Variants in INVS observed in about 807,000 individuals in gnomAD.
The protein encoded by INVS is inversin.
In INVS, 86 loss-of-function variants were observed where a neutral mutation model predicts 108.8. That is an observed-to-expected ratio of 0.79 (90% CI 0.66 to 0.95). The LOEUF is 0.95. Ranked by LOEUF, INVS falls within the 40% of genes least tolerant of loss-of-function variation. The pLI is 0.00. For synonymous variants in INVS, 455 were observed against 473.5 expected (o/e 0.96, Z 0.51); for missense variants, 1,169 against 1,297.4 (o/e 0.90, Z 1.52).
intron 12 of INVS, among the ~76,000 whole-genome samples, chr9:100,284,119 C>T (rs1833358987): frequency 1.3e-5 from 2 of 152,046 alleles, no homozygotes; most frequent in South Asian, 4.2e-4. Context: ...CTTTTCTGCT[C>T]CATCATCTTT....
chr9:100,217,754 G>A (rs1345950370), intron 3 of INVS, among the ~76,000 whole-genome samples: 1 of 152,162 alleles, frequency 6.6e-6, no homozygotes, highest in African/African-American at 2.4e-5. Flanking sequence ...CCAGTAAAGT[G>A]GAGTCAAGCT....
At chr9:100,291,676 T>C (rs1189774792) in intron 13 of INVS, among the ~76,000 whole-genome samples, 2 of 152,194 alleles carry the variant, frequency 1.3e-5, no homozygotes, top group Non-Finnish European at 1.5e-5. Flanking sequence ...ATATCTCCTA[T>C]GGATTGAGAA....
intron 15 of INVS, among the ~76,000 whole-genome samples, chr9:100,297,385 C>T (rs1039936961): frequency 1.1e-4 from 16 of 152,128 alleles, no homozygotes; most frequent in African/African-American, 3.6e-4. Context: ...TGTTTGGTTT[C>T]GTGAGGCATT....
At chr9:100,188,506 A>T (rs756319482) in intron 3 of INVS, among the ~76,000 whole-genome samples, 1 of 152,130 alleles carries the variant, frequency 6.6e-6, no homozygotes, top group Non-Finnish European at 1.5e-5. Context: ...ATGTTAAAGC[A>T]TCCCTGCAGC....
chr9:100,160,772 C>G lies in INVS; in HGVS notation c.273+34223C>G, dbSNP rs543168674. 7.2e-5 allele frequency among the ~76,000 whole-genome samples: 11 copies of G among 152,116 alleles called. No homozygotes were observed. The South Asian group carries it at 2.3e-3, about 32-fold the overall frequency. On this transcript the variant is annotated intron_variant, in intron 3 of 16. Transcript: ENST00000262457. ...CTAATCTTTGACTCCTTCTGTCTTC[C>G]TCAGTCCCAAGACACATCAAAGGCT...
chr9:100,260,655 CTAT>C (rs1420952864), intron 10 of INVS, among the ~76,000 whole-genome samples: 1 of 151,912 alleles, frequency 6.6e-6, no homozygotes, highest in Non-Finnish European at 1.5e-5. Context: ...AAAGTAGTTA[CTAT>C]TATTATTCTC....
At chr9:100,151,117 C>T (rs113051359) in intron 3 of INVS, among the ~76,000 whole-genome samples, 214 of 152,170 alleles carry the variant, frequency 1.4e-3, no homozygotes, top group Non-Finnish European at 2.3e-3. Context: ...AGCATTCATT[C>T]CAGGCAGAAG....
intron 10 of INVS, among the ~76,000 whole-genome samples, chr9:100,256,022 T>C (rs776996031): frequency 1.3e-5 from 2 of 152,188 alleles, no homozygotes; most frequent in African/African-American, 2.4e-5. Flanking sequence ...TGGGAGAATT[T>C]GGCTGTGAAT....
intron 2 of INVS, among the ~76,000 whole-genome samples, chr9:100,122,886 A>G (rs1341569185): frequency 6.6e-6 from 1 of 152,074 alleles, no homozygotes; most frequent in East Asian, 1.9e-4. Flanking sequence ...GCCCAGCCTA[A>G]TCAAGTCTTC....
At chr9:100,264,672 G>T in intron 10 of INVS, 150 bp from the exon 11 acceptor site, 1 of 632,148 alleles carries the variant, frequency 1.6e-6, no homozygotes, top group Non-Finnish European at 2.8e-6. Flanking sequence ...AATATCATTT[G>T]CTTTCTCCAC....
chr9:100,173,085 T>C (rs910193328), intron 3 of INVS, among the ~76,000 whole-genome samples: 8 of 152,234 alleles, frequency 5.3e-5, no homozygotes, highest in Non-Finnish European at 1.0e-4. Context: ...ATCATCAAGA[T>C]TGATACAGCA....
At chr9:100,241,912 T>C (rs2118502320) in intron 6 of INVS, among the ~76,000 whole-genome samples, 1 of 152,346 alleles carries the variant, frequency 6.6e-6, no homozygotes, top group Admixed American at 6.5e-5. Context: ...ACCAGGTTTA[T>C]TCATTTTTTA....
intron 10 of INVS, among the ~76,000 whole-genome samples, chr9:100,264,208 A>C (rs1832715530): frequency 6.6e-6 from 1 of 152,190 alleles, no homozygotes; most frequent in Non-Finnish European, 1.5e-5. Flanking sequence ...AATTTGTGTT[A>C]GTCTTATGTT....
chr9:100,295,685 T>C (rs1052049311), intron 14 of INVS, among the ~76,000 whole-genome samples: 1 of 152,104 alleles, frequency 6.6e-6, no homozygotes, highest in African/African-American at 2.4e-5. Flanking sequence ...GATCTTAAAA[T>C]TGTCAGTTTA....
intron 9 of INVS, 128 bp downstream of exon 9, chr9:100,252,566 A>G (rs1371547232): frequency 4.4e-6 from 4 of 909,596 alleles, no homozygotes; most frequent in East Asian, 5.3e-5. Context: ...TGATCACACA[A>G]CATGGCATGA....
intron 8 of INVS, among the ~76,000 whole-genome samples, chr9:100,248,707 T>C (rs187548268): frequency 2.0e-5 from 3 of 152,216 alleles, no homozygotes; most frequent in Admixed American, 1.3e-4. Flanking sequence ...CCTTTTGTCC[T>C]TTCTTTGCAA....
At chr9:100,222,935 G>A (rs1481320596) in intron 3 of INVS, among the ~76,000 whole-genome samples, 1 of 151,220 alleles carries the variant, frequency 6.6e-6, no homozygotes, top group Non-Finnish European at 1.5e-5. Context: ...GAAATGACAA[G>A]TCCAGATAAA....
intron 3 of INVS, among the ~76,000 whole-genome samples, chr9:100,168,038 TTTTC>T (rs1171415829): frequency 6.6e-6 from 1 of 152,260 alleles, no homozygotes; most frequent in African/African-American, 2.4e-5. Flanking sequence ...TTTCTTTCTC[TTTTC>T]TTTCTTTTTT....
chr9:100,201,626 A>C (rs1300952101), intron 3 of INVS, among the ~76,000 whole-genome samples: 1 of 152,214 alleles, frequency 6.6e-6, no homozygotes, highest in Non-Finnish European at 1.5e-5. Context: ...TTATAGACAT[A>C]AATTTCCACA....
Sources: gnomAD v4.1 joint callset for allele counts (sites outside exome capture counted in the v4.1 genomes callset) on GRCh38, gnomAD v4.1.1 for gene constraint, MANE v1.5 for transcripts, NCBI Gene and HGNC (gene_info 2026-07-23, HGNC 2026-07-21) for gene names.